Variants in MOV10L1 observed in about 807,000 individuals in gnomAD.
The protein encoded by MOV10L1 is RNA helicase Mov10l1.
Under a neutral mutation model 143.8 loss-of-function variants are expected in MOV10L1, and 110 were observed. The observed-to-expected ratio is 0.76, with a 90% CI of 0.66 to 0.90. The LOEUF is 0.90. Ranked by LOEUF, MOV10L1 falls within the 40% of genes least tolerant of loss-of-function variation. MOV10L1 has a pLI of 0.00. For synonymous variants in MOV10L1, 593 were observed against 581.1 expected (o/e 1.02, Z -0.29); for missense variants, 1,406 against 1,526.8 (o/e 0.92, Z 1.32).
chr22:50,106,277 C>T (rs547420985), intron 3 of MOV10L1, among the ~76,000 whole-genome samples: 3 of 149,474 alleles, frequency 2.0e-5, no homozygotes, highest in South Asian at 2.1e-4. Context: ...ACCTTAGCCT[C>T]GTGAGTAGCT....
At position 50,161,628 on chromosome 22, in the gene MOV10L1, G is replaced by A. The variant is rs1048302042; in HGVS notation, c.*179G>A. 2 of 586,388 alleles carry A rather than the reference G, an allele frequency of 3.4e-6. No homozygotes were observed. The highest frequency in any genetic ancestry group is 5.9e-6 in the Non-Finnish European group (2 of 340,862). The allele number at this position is 586,388 out of a possible 1,614,324, so 36.3% of individuals were successfully genotyped here. A position where few individuals can be genotyped will look rare whatever the true frequency, so the allele number is the denominator to read the frequency against. ...CCCTGACTTTGGCATATGCCAGCCT[G>A]TTCCTGCCACAGGGCAGTCACTGCC... On this transcript the variant is annotated 3_prime_UTR_variant, in exon 27 of 27. Coordinates refer to ENST00000262794, the MANE Select transcript of MOV10L1 (RefSeq NM_018995.3).
chr22:50,103,986 G>C (rs528003003), intron 3 of MOV10L1, among the ~76,000 whole-genome samples: 8 of 152,212 alleles, frequency 5.3e-5, no homozygotes, highest in African/African-American at 1.9e-4. Context: ...CCATAACATG[G>C]AATCAGTGGG....
rs139986449 is a variant in MOV10L1 at position 50,137,747 on chromosome 22, A to G, written c.2070+3117A>G. Among the ~76,000 whole-genome samples the G allele has an allele frequency of 3.6e-3, 443 of 123,756 alleles. 4 individuals are homozygous for G. Among genetic ancestry groups the G allele is most frequent in the African/African-American group, 0.01 (401 of 38,262 alleles). The allele number at this position is 123,756 out of a possible 152,430, so 81.2% of individuals were successfully genotyped here. A position where few individuals can be genotyped will look rare whatever the true frequency, so the allele number is the denominator to read the frequency against. On this transcript the variant is annotated intron_variant, in intron 15 of 26. Coordinates refer to ENST00000262794, the MANE Select transcript of MOV10L1 (RefSeq NM_018995.3). ...ATACACATATATATATTTTATATAT[A>G]TACATATATAAATATACATATTTTA... is the stretch of plus-strand genomic sequence containing the variant.
chr22:50,118,627 G>C (rs1602212853), intron 9 of MOV10L1, among the ~76,000 whole-genome samples: 1 of 152,210 alleles, frequency 6.6e-6, no homozygotes, highest in Non-Finnish European at 1.5e-5. Flanking sequence ...TAGAATCTGG[G>C]ATTAATAGGT....
chr22:50,090,211 G>A (rs1451354648), intron 1 of MOV10L1, 26 bp downstream of exon 1: 1 of 1,411,404 alleles, frequency 7.1e-7, no homozygotes, highest in Non-Finnish European at 9.2e-7. Flanking sequence ...CGGCTGGGAG[G>A]CGGGTCCCGG....
intron 18 of MOV10L1, among the ~76,000 whole-genome samples, chr22:50,144,675 A>ATGG (rs2063093213): frequency 6.7e-6 from 1 of 150,198 alleles, no homozygotes; most frequent in Non-Finnish European, 1.5e-5. Context: ...TCCGCCTCCC[A>ATGG]GGTTCACACC....
intron 10 of MOV10L1, 56 bp downstream of exon 10, chr22:50,120,672 C>G (rs2062313954): frequency 1.6e-6 from 2 of 1,268,174 alleles, no homozygotes; most frequent in East Asian, 2.3e-5. Flanking sequence ...CTCTTGTTTT[C>G]TGACAAAGCC....
intron 10 of MOV10L1, among the ~76,000 whole-genome samples, chr22:50,124,444 T>C (rs992118277): frequency 1.2e-4 from 18 of 152,268 alleles, no homozygotes; most frequent in African/African-American, 4.1e-4. Context: ...AGATTTGGTT[T>C]ACGATGTGTG....
intron 10 of MOV10L1, among the ~76,000 whole-genome samples, chr22:50,123,526 A>C (rs886687562): frequency 1.1e-4 from 16 of 152,292 alleles, no homozygotes; most frequent in African/African-American, 3.4e-4. Context: ...CACCACACCC[A>C]GCTAATCCTT....
intron 19 of MOV10L1, among the ~76,000 whole-genome samples, chr22:50,148,360 G>A (rs983541654): frequency 6.6e-6 from 1 of 152,184 alleles, no homozygotes; most frequent in African/African-American, 2.4e-5. Context: ...TGGCCCCTCT[G>A]CACTCTAGAA....
Position 50,117,286 on chromosome 22 carries a change from A to G in MOV10L1, c.1389A>G (p.Lys463=). 6.2e-7 allele frequency: 1 copy of G among 1,614,176 alleles called. No individual in the cohort carries two copies. The highest frequency in any genetic ancestry group is 8.5e-7 in the Non-Finnish European group (1 of 1,180,036). ...LIAAREPFSW[K]KLKSSQALTS... Reference sequence around the variant, plus strand: ...CTGCGCGCGAACCATTTTCTTGGAAAAAGCTTAAAAGTTCACAAGCGTTAA... The same window carrying G: ...CTGCGCGCGAACCATTTTCTTGGAAGAAGCTTAAAAGTTCACAAGCGTTAA... The change falls in exon 9 of 27, where the codon AAA becomes AAG. Residue 463 remains lysine, a synonymous_variant. Transcript: ENST00000262794.
chr22:50,149,773 C>A, intron 20 of MOV10L1, 59 bp downstream of exon 20: 1 of 1,469,034 alleles, frequency 6.8e-7, no homozygotes, highest in Non-Finnish European at 9.4e-7. Flanking sequence ...TGAGGGGATG[C>A]AGGCTGCGAT....
chr22:50,139,780 G>A (rs567531210), intron 15 of MOV10L1, among the ~76,000 whole-genome samples: 60 of 152,312 alleles, frequency 3.9e-4, no homozygotes, highest in African/African-American at 1.4e-3. Flanking sequence ...ATCATTAGTT[G>A]TTAGGGAAAC....
intron 2 of MOV10L1, among the ~76,000 whole-genome samples, chr22:50,098,289 G>A (rs753262762): frequency 6.2e-5 from 6 of 96,796 alleles, no homozygotes; most frequent in Non-Finnish European, 1.5e-4. Context: ...ACTTTGAGTA[G>A]TATTATCATC....
At chr22:50,161,275 C>T (rs57180469) in intron 26 of MOV10L1, 93 bp from the exon 27 acceptor site, 19 of 1,134,078 alleles carry the variant, frequency 1.7e-5, no homozygotes, top group Admixed American at 2.5e-5. Context: ...TAAACTAAGT[C>T]CCCTTGTAAA....
Position 50,152,926 on chromosome 22 carries a change from C to G in MOV10L1, c.2893-119C>G. Reference sequence around the variant, plus strand: ...CAGGCGACACACAGGGGCGCAGGAGCAGAGTCAGGCTTGGAAGTCAGGCAG... The same window carrying G: ...CAGGCGACACACAGGGGCGCAGGAGGAGAGTCAGGCTTGGAAGTCAGGCAG... On this transcript the variant is annotated intron_variant, in intron 21 of 26. Coordinates refer to ENST00000262794, the MANE Select transcript of MOV10L1 (RefSeq NM_018995.3). The surrounding 1 kb of genome is among the most constrained non-coding windows in gnomAD (Gnocchi z 4.4). The G allele has an allele frequency of 9.8e-7, 1 of 1,022,868 alleles. No homozygotes were observed. The highest frequency in any genetic ancestry group is 1.4e-6 in the Non-Finnish European group (1 of 694,208). 63.4% of individuals were successfully genotyped at this position (1,022,868 alleles called of 1,614,324 possible). A position where few individuals can be genotyped will look rare whatever the true frequency, so the allele number is the denominator to read the frequency against.
Position 50,161,524 on chromosome 22 carries a change from C to T in MOV10L1, c.*75C>T. 1 of 1,411,830 alleles carries T rather than the reference C, an allele frequency of 7.1e-7. No individual in the cohort carries two copies. The highest frequency in any genetic ancestry group is 9.7e-7 in the Non-Finnish European group (1 of 1,035,202). The allele number at this position is 1,411,830 out of a possible 1,614,324, so 87.5% of individuals were successfully genotyped here. On this transcript the variant is annotated 3_prime_UTR_variant, in exon 27 of 27. Transcript: ENST00000262794. Reference sequence around the variant, plus strand: ...GCCGTTACAGTCTGCTCCGTGGCTCCTGTGGCCTGCCCTTGTCTCGCAGCC... The same window carrying T: ...GCCGTTACAGTCTGCTCCGTGGCTCTTGTGGCCTGCCCTTGTCTCGCAGCC...
At chr22:50,130,958 A>G (rs1383208613) in intron 13 of MOV10L1, among the ~76,000 whole-genome samples, 3 of 151,926 alleles carry the variant, frequency 2.0e-5, no homozygotes, top group Admixed American at 6.5e-5. Context: ...GTGCAGTGGC[A>G]CGATCTCGGC....
At position 50,137,495 on chromosome 22, in the gene MOV10L1, C is replaced by T. The variant is rs937172981; in HGVS notation, c.2070+2865C>T. Among the ~76,000 whole-genome samples the T allele has an allele frequency of 2.0e-5, 3 of 151,890 alleles. No individual in the cohort carries two copies. The East Asian group carries it at 5.8e-4, about 29-fold the overall frequency. ...GGCGGAGGCTGCAGTGAGCCGAGAT[C>T]GCGCCACTGCACTCCAGCGTGGGCA... is the stretch of plus-strand genomic sequence containing the variant. On this transcript the variant is annotated intron_variant, in intron 15 of 26. Transcript: ENST00000262794.
Sources: gnomAD v4.1 joint callset for allele counts (sites outside exome capture counted in the v4.1 genomes callset) on GRCh38, gnomAD v4.1.1 for gene constraint, Gnocchi (gnomAD v3.1) non-coding constraint, MANE v1.5 for transcripts, NCBI Gene and HGNC (gene_info 2026-07-23, HGNC 2026-07-21) for gene names.